The following TIPIN variants were observed in gnomAD, a reference collection of about 807,000 sequenced individuals.
The protein encoded by TIPIN is TIMELESS interacting protein.
TIPIN carries 29 observed loss-of-function variants against 35.6 expected under a neutral mutation model. That is an observed-to-expected ratio of 0.82 (90% CI 0.61 to 1.11). The LOEUF is 1.11. Ranked by LOEUF, TIPIN falls within the 50% of genes most tolerant of loss-of-function variation. The pLI, the probability that TIPIN is intolerant of heterozygous loss-of-function variation, is 0.00. For synonymous variants in TIPIN, 102 were observed against 121.5 expected, an observed-to-expected ratio of 0.84 and a Z score of 1.06; for missense variants, 296 against 345.4, an observed-to-expected ratio of 0.86 and a Z score of 1.13.
rs534658353 is a variant in TIPIN at position 66,337,356 on chromosome 15, C to T, written c.683-175G>A. Among the ~76,000 whole-genome samples the T allele has an allele frequency of 2.7e-5, 4 of 147,524 alleles. 1 individual carries two copies. The South Asian group carries it at 8.6e-4, about 32-fold the overall frequency. On this transcript the variant is annotated intron_variant, in intron 7 of 7. Coordinates refer to ENST00000261881, the MANE Select transcript of TIPIN (RefSeq NM_017858.3). ...TTTTTTTTTTTTTGAGATGGAGTCT[C>T]GCTCCATCACTTTGGCTGGAGTGCA... is the stretch of plus-strand genomic sequence containing the variant.
chr15:66,337,954 T>C (rs2093057457), intron 7 of TIPIN, among the ~76,000 whole-genome samples: 1 of 151,960 alleles, frequency 6.6e-6, no homozygotes, highest in Non-Finnish European at 1.5e-5. Context: ...ACTGTTCTTA[T>C]TCAAAATCAA....
intron 1 of TIPIN, among the ~76,000 whole-genome samples, chr15:66,367,187 A>AATCTATATCTATATCTATATCTAT (rs60845317): frequency 0.059 from 7,772 of 130,740 alleles, 292 homozygotes; most frequent in Non-Finnish European, 0.074. Flanking sequence ...CTCAAAAAAA[A>AATCTATATCTATATCTATATCTAT]ATCTATATCT....
At chr15:66,361,131 T>C (rs2093229277), upstream of TIPIN, among the ~76,000 whole-genome samples, 1 of 145,690 alleles carries the variant, frequency 6.9e-6, no homozygotes, top group Non-Finnish European at 1.5e-5. Context: ...AGACTTTGTC[T>C]CAAAAAAAAA....
At chr15:66,367,505 C>T (rs1266582731) in intron 1 of TIPIN, among the ~76,000 whole-genome samples, 1 of 151,608 alleles carries the variant, frequency 6.6e-6, no homozygotes, top group African/African-American at 2.4e-5. Context: ...AGCGTTTCTC[C>T]TGCCTCAGCC....
chr15:66,378,860 T>C (rs547196209), intron 1 of TIPIN, among the ~76,000 whole-genome samples: 26 of 152,150 alleles, frequency 1.7e-4, no homozygotes, highest in African/African-American at 6.0e-4. Context: ...CCTCAGCCTC[T>C]CAAGTAGCTG....
At chr15:66,349,653 C>T (rs539012281) in intron 4 of TIPIN, among the ~76,000 whole-genome samples, 13 of 152,120 alleles carry the variant, frequency 8.5e-5, no homozygotes, top group African/African-American at 2.9e-4. Context: ...CCTAGGGGGA[C>T]GGATCACTTG....
At chr15:66,380,498 G>A (rs984025035) in intron 1 of TIPIN, among the ~76,000 whole-genome samples, 7 of 151,796 alleles carry the variant, frequency 4.6e-5, no homozygotes, top group Admixed American at 1.3e-4. Context: ...TAGACGTTAC[G>A]TTTTTTCTGT....
chr15:66,383,350 C>T (rs905226882), intron 1 of TIPIN, among the ~76,000 whole-genome samples: 6 of 151,748 alleles, frequency 4.0e-5, no homozygotes, highest in African/African-American at 1.5e-4. Context: ...GTAACCTCCA[C>T]CTCCTGGGTT....
chr15:66,364,997 G>T (rs376878648), intron 1 of TIPIN, among the ~76,000 whole-genome samples: 2 of 101,524 alleles, frequency 2.0e-5, no homozygotes, highest in African/African-American at 6.9e-5. Flanking sequence ...AGAAAGAAAA[G>T]AAAGAAATAT....
At chr15:66,386,532 C>T (rs2093339536) in intron 1 of TIPIN, 1 of 154,386 alleles carries the variant, frequency 6.5e-6, no homozygotes, top group Non-Finnish European at 1.4e-5. Context: ...GGGTCCTTTT[C>T]CTTATTTATT....
chr15:66,347,047 G>A (rs1229810110), intron 6 of TIPIN, among the ~76,000 whole-genome samples: 1 of 151,918 alleles, frequency 6.6e-6, no homozygotes, highest in African/African-American at 2.4e-5. Flanking sequence ...CACCCGCCTC[G>A]GCCTCTCAAA....
intron 1 of TIPIN, among the ~76,000 whole-genome samples, chr15:66,378,624 T>G (rs115356229): frequency 0.015 from 2,343 of 152,264 alleles, 64 homozygotes; most frequent in African/African-American, 0.054. Flanking sequence ...ACAGTTTGTG[T>G]CTTTCTTCAA....
chr15:66,337,601 C>G (rs1255383144), intron 7 of TIPIN, among the ~76,000 whole-genome samples: 1 of 151,904 alleles, frequency 6.6e-6, no homozygotes, highest in East Asian at 1.9e-4. Flanking sequence ...GGATTACAGG[C>G]GTGAGCTACC....
At chr15:66,380,658 TA>T (rs1434241327) in intron 1 of TIPIN, among the ~76,000 whole-genome samples, 2 of 151,866 alleles carry the variant, frequency 1.3e-5, no homozygotes, top group Non-Finnish European at 1.5e-5. Flanking sequence ...GTACTAAAAA[TA>T]CAAACATTAG....
chr15:66,370,166 T>C (rs910494441), intron 1 of TIPIN, among the ~76,000 whole-genome samples: 5 of 152,032 alleles, frequency 3.3e-5, no homozygotes, highest in African/African-American at 4.8e-5. Flanking sequence ...CCTGAGTATA[T>C]CTTCTTTCAC....
At chr15:66,360,854 TA>T (rs1468303243), upstream of TIPIN, among the ~76,000 whole-genome samples, 1 of 152,162 alleles carries the variant, frequency 6.6e-6, no homozygotes, top group African/African-American at 2.4e-5. Context: ...TAATCCCAGC[TA>T]CTGGGGAGGC....
intron 1 of TIPIN, chr15:66,383,054 G>GT (rs1270748476): frequency 2.1e-6 from 2 of 953,534 alleles, no homozygotes; most frequent in African/African-American, 3.5e-5. Context: ...AGGGCTTAGG[G>GT]TTTACTCAGT....
chr15:66,371,229 T>C, intron 1 of TIPIN: 1 of 981,102 alleles, frequency 1.0e-6, no homozygotes, highest in Non-Finnish European at 1.2e-6. Flanking sequence ...AAAGTGTAAG[T>C]GTATCAAGCT....
rs559781721 is a variant in TIPIN, at chr15:66,379,926, C to T, written c.-9+6681G>A. 6.2e-5 allele frequency: 83 copies of T among 1,345,536 alleles called. No individual in the cohort carries two copies. The African/African-American group carries it at 1.1e-3, about 18-fold the overall frequency. 83.3% of individuals were successfully genotyped at this position (1,345,536 alleles called of 1,614,324 possible). A position where few individuals can be genotyped will look rare whatever the true frequency, so the allele number is the denominator to read the frequency against. On this transcript the variant is annotated intron_variant, in intron 1 of 7. Coordinates refer to the TIPIN transcript ENST00000562124. ...GAGAATGGTCTTCACTCTCGCAGTA[C>T]ACACGGCAAAGGACCTGGAATTTAT...
Sources: allele counts gnomAD v4.1 joint callset (sites outside exome capture counted in the v4.1 genomes callset), GRCh38; gene constraint gnomAD v4.1.1; transcripts MANE v1.5; gene names NCBI Gene and HGNC (gene_info 2026-07-23, HGNC 2026-07-21).